The following ITPR1 variants were observed in gnomAD, a reference collection of about 807,000 sequenced individuals.
ITPR1 encodes inositol 1,4,5-trisphosphate receptor type 1, also known as inositol 1,4,5-trisphosphate-gated calcium channel ITPR1.
ITPR1 carries 96 observed loss-of-function variants against 318.4 expected under a neutral mutation model. The ratio of observed to expected loss-of-function variants is 0.30; its 90% CI spans 0.26 to 0.36. The LOEUF (loss-of-function observed/expected upper bound fraction) is 0.36. Ranked by LOEUF, ITPR1 falls within the 10% of genes least tolerant of loss-of-function variation. The pLI is 1.00. For synonymous variants in ITPR1, 1,312 were observed against 1,289.9 expected (o/e 1.02, Z -0.37); for missense variants, 2,440 against 3,460.2 (o/e 0.71, Z 7.40).
rs181037390 is a variant in ITPR1 at position 4,785,787 on chromosome 3, G to T, written c.6615+1867G>T. On this transcript the variant is annotated intron_variant, in intron 51 of 61. Coordinates refer to ENST00000649015, the MANE Select transcript of ITPR1 (RefSeq NM_001378452.1). Reference sequence around the variant, plus strand: ...CAAGGTCACCTAGCTTTTTAGGGATGTTAGAAGGACTGAAATATGTTCTCC... The same window carrying T: ...CAAGGTCACCTAGCTTTTTAGGGATTTTAGAAGGACTGAAATATGTTCTCC... 2.5e-3 allele frequency among the ~76,000 whole-genome samples: 378 copies of T among 152,332 alleles called. 1 individual carries two copies. Among genetic ancestry groups the T allele is most frequent in the African/African-American group, 8.8e-3 (366 of 41,576 alleles).
chr3:4,775,138 G>T, intron 46 of ITPR1, 104 bp from the exon 47 acceptor site: 1 of 853,772 alleles, frequency 1.2e-6, no homozygotes, highest in Non-Finnish European at 2.0e-6. Flanking sequence ...GCATCTCTCT[G>T]TATAATTACC....
rs114550565 is a variant in ITPR1 at position 4,504,049 on chromosome 3, G to A, written c.-17+9543G>A. ...GGCCTCAGGTTTGTTTTTTCTACCC[G>A]TAAATTAAAGAGTTTTAGCTAAATG... is the stretch of plus-strand genomic sequence containing the variant. On this transcript the variant is annotated intron_variant, in intron 2 of 61. Coordinates refer to ENST00000649015, the MANE Select transcript of ITPR1 (RefSeq NM_001378452.1). 7.3e-3 allele frequency among the ~76,000 whole-genome samples: 1,104 copies of A among 152,010 alleles called. 9 individuals carry two copies. Among genetic ancestry groups the A allele is most frequent in the African/African-American group, 0.025 (1,054 of 41,444 alleles).
chr3:4,526,514 GA>G (rs1186559376), intron 4 of ITPR1, among the ~76,000 whole-genome samples: 5 of 152,214 alleles, frequency 3.3e-5, no homozygotes, highest in Admixed American at 2.0e-4. Flanking sequence ...AGGACAAGAT[GA>G]GTTACACTCC....
rs1178494375 is a variant in ITPR1, at chr3:4,843,074, G to T, written c.8191-3065G>T. Reference sequence around the variant, plus strand: ...ATTTAGTCCTTCAGGGTTTTGAGGGGTTTTTTTTTTTTTTTTTTTTTGGTT... The same window carrying T: ...ATTTAGTCCTTCAGGGTTTTGAGGGTTTTTTTTTTTTTTTTTTTTTTGGTT... On this transcript the variant is annotated intron_variant, in intron 61 of 61. Transcript: ENST00000649015. 3.3e-3 allele frequency among the ~76,000 whole-genome samples: 351 copies of T among 105,452 alleles called. 1 individual carries two copies. Among genetic ancestry groups the T allele is most frequent in the South Asian group, 0.022 (73 of 3,296 alleles). 69.2% of individuals were successfully genotyped at this position (105,452 alleles called of 152,430 possible).
At chr3:4,673,941 G>T (rs536159636) in intron 21 of ITPR1, among the ~76,000 whole-genome samples, 1 of 152,242 alleles carries the variant, frequency 6.6e-6, no homozygotes, top group Admixed American at 6.5e-5. Context: ...ATTTAAGTGT[G>T]TACTATGTGC....
intron 5 of ITPR1, among the ~76,000 whole-genome samples, chr3:4,638,304 A>C (rs917667097): frequency 1.3e-5 from 2 of 152,206 alleles, no homozygotes; most frequent in Non-Finnish European, 2.9e-5. Flanking sequence ...CAGTTATTTT[A>C]CTTCCCTTTC....
Position 4,652,191 on chromosome 3 carries a change from G to A in ITPR1, c.924G>A (p.Leu308=). The A allele has an allele frequency of 1.2e-6, 2 of 1,612,596 alleles. No homozygotes were observed. The highest frequency in any genetic ancestry group is 1.7e-6 in the Non-Finnish European group (2 of 1,179,364). ...YWNSLFRFKH[L]ATGHYLAAEV... is the part of the protein sequence containing the mutation. ...ACAGCCTTTTCCGTTTCAAGCATCT[G>A]GCCACGGGGCATTACTTGGCAGCAG... is the stretch of plus-strand genomic sequence containing the variant. Residue 308 remains leucine, a synonymous_variant, in exon 11 of 62, where the codon CTG becomes CTA. Transcript: ENST00000649015.
At chr3:4,589,033 A>G (rs981772115) in intron 4 of ITPR1, among the ~76,000 whole-genome samples, 1 of 152,110 alleles carries the variant, frequency 6.6e-6, no homozygotes, top group African/African-American at 2.4e-5. Flanking sequence ...ATAGCAAGAA[A>G]TTTATTTCAG....
intron 4 of ITPR1, among the ~76,000 whole-genome samples, chr3:4,560,202 TG>T: frequency 6.6e-6 from 1 of 152,342 alleles, no homozygotes; most frequent in East Asian, 1.9e-4. Context: ...ATATATGGAT[TG>T]GTGGATGCAC....
intron 44 of ITPR1, chr3:4,750,208 A>G (rs2044397269): frequency 6.6e-6 from 1 of 152,038 alleles, no homozygotes; most frequent in Non-Finnish European, 1.5e-5. Context: ...ACAAGATTCC[A>G]TACCTGCTGT....
At chr3:4,784,064 G>T (rs2047006212) in intron 51 of ITPR1, 144 bp downstream of exon 51, 3 of 594,470 alleles carry the variant, frequency 5.0e-6, no homozygotes, top group Admixed American at 6.1e-5. Context: ...GCTGGGTGCT[G>T]GACATCCCAT....
intron 61 of ITPR1, among the ~76,000 whole-genome samples, 169 bp from the exon 62 acceptor site, chr3:4,845,967 TAAG>T (rs940548879): frequency 3.3e-5 from 5 of 152,352 alleles, no homozygotes; most frequent in African/African-American, 9.6e-5. Context: ...CCATTCTGCC[TAAG>T]AAGATGCCTT....
chr3:4,530,935 T>C (rs2083366004), intron 4 of ITPR1, among the ~76,000 whole-genome samples: 1 of 152,216 alleles, frequency 6.6e-6, no homozygotes, highest in Admixed American at 6.5e-5. Flanking sequence ...TTGAGATTCC[T>C]TGGCTGCATT....
rs148423554 is a variant in ITPR1 at position 4,606,237 on chromosome 3, C to T, written c.164-21526C>T. 5.9e-5 allele frequency among the ~76,000 whole-genome samples: 9 copies of T among 152,218 alleles called. No homozygotes were observed. The East Asian group carries it at 9.6e-4, about 16-fold the overall frequency. On this transcript the variant is annotated intron_variant, in intron 4 of 61. Transcript: ENST00000649015. Reference sequence around the variant, plus strand: ...TTTGGGATTCTGGAGGAGGCAGTGACGAACCCTGTGTGGTAGGGTGGAGTA... The same window carrying T: ...TTTGGGATTCTGGAGGAGGCAGTGATGAACCCTGTGTGGTAGGGTGGAGTA...
At chr3:4,643,175 C>G (rs565014911) in intron 7 of ITPR1, among the ~76,000 whole-genome samples, 4 of 152,192 alleles carry the variant, frequency 2.6e-5, no homozygotes, top group Middle Eastern at 6.8e-3. Context: ...AAAGAAAAGC[C>G]CAGTAAAACT....
At chr3:4,571,630 G>A (rs1335264059) in intron 4 of ITPR1, among the ~76,000 whole-genome samples, 2 of 152,040 alleles carry the variant, frequency 1.3e-5, no homozygotes, top group African/African-American at 2.4e-5. Flanking sequence ...CACCACACCC[G>A]GCCTGATTTC....
chr3:4,674,248 G>T lies in ITPR1; in HGVS notation c.2503G>T (p.Ala835Ser). ...CAAAGATGAAATTAAGGAGAGATTT[G>T]CTCAGACCATGGAGTTTGTGGAGGA... ...ASKDEIKERF[A>S]QTMEFVEEYL... The change falls in exon 22 of 62, where the codon GCT becomes TCT. Residue 835 changes from alanine (A) to serine (S), a missense_variant. Ala to Ser is a moderately conservative substitution (Grantham distance 99). Around this residue, in one of 23 missense-constraint regions of ITPR1, gnomAD observed 478 missense variants for 696.3 expected, o/e 0.69. Coordinates refer to ENST00000649015, the MANE Select transcript of ITPR1 (RefSeq NM_001378452.1). 6.4e-7 allele frequency: 1 copy of T among 1,570,164 alleles called. No individual in the cohort carries two copies. Among genetic ancestry groups the T allele is most frequent in the Non-Finnish European group, 8.7e-7 (1 of 1,155,558 alleles).
At chr3:4,545,091 C>T (rs2084839811) in intron 4 of ITPR1, among the ~76,000 whole-genome samples, 1 of 152,104 alleles carries the variant, frequency 6.6e-6, no homozygotes, top group Non-Finnish European at 1.5e-5. Context: ...CCACTGTGCT[C>T]AGCCTGGAGC....
intron 4 of ITPR1, among the ~76,000 whole-genome samples, chr3:4,621,516 G>C (rs2092633322): frequency 6.6e-6 from 1 of 152,184 alleles, no homozygotes. Flanking sequence ...ATTTGGTGGG[G>C]ACACAGATCC....
Sources: gnomAD v4.1 joint callset for allele counts (sites outside exome capture counted in the v4.1 genomes callset) on GRCh38, gnomAD v4.1.1 for gene constraint, gnomAD v4.1.1 regional missense constraint, MANE v1.5 for transcripts, NCBI Gene and HGNC (gene_info 2026-07-23, HGNC 2026-07-21) for gene names.